The following SLC43A2 variants were observed in gnomAD, a reference collection of about 807,000 sequenced individuals.
SLC43A2 encodes solute carrier family 43 member 2.
SLC43A2 carries 38 observed loss-of-function variants against 63.2 expected under a neutral mutation model. That is an observed-to-expected ratio of 0.60 (90% CI 0.46 to 0.79). The LOEUF (loss-of-function observed/expected upper bound fraction) is 0.79. SLC43A2 is among the 30% of genes least tolerant of loss of function. SLC43A2 has a pLI of 0.00. For missense variants in SLC43A2, 644 were observed against 756.2 expected (o/e 0.85, Z 1.74); for synonymous variants, 322 against 331.0 (o/e 0.97, Z 0.30).
rs2075829995 is a variant in SLC43A2, at chr17:1,570,458, TC to T, written c.*5145del. 6.6e-6 allele frequency: 1 copy of T among 152,140 alleles called. No homozygotes were observed. The highest frequency in any genetic ancestry group is 6.6e-5 in the Admixed American group (1 of 15,222). 9.4% of individuals were successfully genotyped at this position (152,140 alleles called of 1,614,324 possible). A position where few individuals can be genotyped will look rare whatever the true frequency, so the allele number is the denominator to read the frequency against. The stretch of plus-strand genomic sequence containing the variant: ...CCTTTCCCTGTCCCAGCTGCCTTCT[TC>T]CTGGGCACTGAAAACGATGCTACCA... On this transcript the variant is annotated 3_prime_UTR_variant, in exon 14 of 14. Coordinates refer to ENST00000301335, the MANE Select transcript of SLC43A2 (RefSeq NM_152346.3).
In SLC43A2 at chr17:1,571,122, G is replaced by A. The variant is rs1417592033; in HGVS notation, c.*4482C>T. 2.6e-5 allele frequency: 4 copies of A among 152,146 alleles called. No individual in the cohort carries two copies. The highest frequency in any genetic ancestry group is 1.9e-4 in the East Asian group (1 of 5,188). The allele number at this position is 152,146 out of a possible 1,614,324, so 9.4% of individuals were successfully genotyped here. ...GCTGGCAGGAAGAGGGCTGAGCTGC[G>A]GAAGGCCACCCAGGTGGAGTGTGCT... On this transcript the variant is annotated 3_prime_UTR_variant, in exon 14 of 14. Coordinates refer to ENST00000301335, the MANE Select transcript of SLC43A2 (RefSeq NM_152346.3). This position sits in a 1 kb window ranked among gnomAD's most constrained non-coding sequence, Gnocchi z 5.2.
chr17:1,601,565 G>A (rs902536242), intron 5 of SLC43A2, among the ~76,000 whole-genome samples: 9 of 150,786 alleles, frequency 6.0e-5, no homozygotes, highest in South Asian at 2.1e-4. Flanking sequence ...GGCATGCACC[G>A]CCCTCCCAAA....
chr17:1,603,355 T>C (rs1490415652), intron 5 of SLC43A2: 1 of 152,160 alleles, frequency 6.6e-6, no homozygotes, highest in Admixed American at 6.6e-5. Flanking sequence ...GTCAGGATGT[T>C]TATGCTTTGG....
At chr17:1,615,936 G>A (rs897780514) in intron 3 of SLC43A2, among the ~76,000 whole-genome samples, 4 of 150,804 alleles carry the variant, frequency 2.7e-5, no homozygotes, top group South Asian at 2.1e-4. Flanking sequence ...CCAGCTACTC[G>A]GGAGGGTGAG....
chr17:1,585,626 G>T, intron 10 of SLC43A2: 2 of 1,281,226 alleles, frequency 1.6e-6, no homozygotes, highest in African/African-American at 3.0e-5. Flanking sequence ...GGCCTCAAGT[G>T]ATCTTCCTAC....
At chr17:1,584,191 C>T (rs946772493) in intron 10 of SLC43A2, among the ~76,000 whole-genome samples, 2 of 152,112 alleles carry the variant, frequency 1.3e-5, no homozygotes, top group Non-Finnish European at 2.9e-5. Context: ...CCGCGCCCGG[C>T]CAAGCACCCT....
At chr17:1,582,595 T>A (rs1942158931) in intron 11 of SLC43A2, among the ~76,000 whole-genome samples, 1 of 152,222 alleles carries the variant, frequency 6.6e-6, no homozygotes, top group African/African-American at 2.4e-5. Context: ...AATGGCATGA[T>A]GGTGGTATCC....
intron 2 of SLC43A2, among the ~76,000 whole-genome samples, chr17:1,623,623 CCCTCCTCTCCTCCAGG>C (rs1908361494): frequency 1.4e-5 from 2 of 145,076 alleles, no homozygotes; most frequent in Non-Finnish European, 3.0e-5. Flanking sequence ...CCAGGGTGTA[CCCTCCTCTCCTCCAGG>C]CTGTACCCTC....
chr17:1,611,508 G>A (rs763781104), intron 5 of SLC43A2, among the ~76,000 whole-genome samples: 80 of 151,944 alleles, frequency 5.3e-4, no homozygotes, highest in South Asian at 6.2e-4. Flanking sequence ...GATGGTGCAC[G>A]CCTATAGTCC....
chr17:1,588,386 C>CA (rs985832646), intron 9 of SLC43A2, among the ~76,000 whole-genome samples: 112 of 144,172 alleles, frequency 7.8e-4, no homozygotes, highest in African/African-American at 2.1e-3. Flanking sequence ...AAATCCATGT[C>CA]AAAAAAAAAA....
At chr17:1,612,769 T>G (rs1005198477) in intron 5 of SLC43A2, among the ~76,000 whole-genome samples, 3 of 152,150 alleles carry the variant, frequency 2.0e-5, no homozygotes, top group Non-Finnish European at 2.9e-5. Context: ...GTCAGGAGTT[T>G]GAGACCAGCC....
intron 4 of SLC43A2, among the ~76,000 whole-genome samples, chr17:1,614,473 A>AGGAAGCTACTTCACT (rs67345692): frequency 0.97 from 147,040 of 152,138 alleles, 71,275 homozygotes; most frequent in South Asian, 1. Context: ...AGGAGGCCTA[A>AGGAAGCTACTTCACT]GAAACCAAAA....
Position 1,583,285 on chromosome 17 carries a change from A to G in SLC43A2, c.1269T>C (p.Asn423=). 1 of 1,614,190 alleles carries G rather than the reference A, an allele frequency of 6.2e-7. No individual in the cohort carries two copies. Among genetic ancestry groups the G allele is most frequent in the Non-Finnish European group, 8.5e-7 (1 of 1,180,030 alleles). Residue 423 remains asparagine (N), a synonymous_variant, in exon 11 of 14, where the codon AAT becomes AAC. Coordinates refer to ENST00000301335, the MANE Select transcript of SLC43A2 (RefSeq NM_152346.3). The surrounding 1 kb of genome is among the most constrained non-coding windows in gnomAD (Gnocchi z 5.5). ...TGGTGAAGGCGAAGGCCCGCATGGC[A>G]TTAGTGATCTTCTGGATCTGCCGGT... ...KRDRQIQKIT[N]AMRAFAFTNL...
intron 5 of SLC43A2, among the ~76,000 whole-genome samples, chr17:1,596,118 A>G (rs1905254055): frequency 6.6e-6 from 1 of 151,956 alleles, no homozygotes; most frequent in Non-Finnish European, 1.5e-5. Flanking sequence ...CAGCAGTTCA[A>G]CACCAGCCTG....
intron 3 of SLC43A2, among the ~76,000 whole-genome samples, chr17:1,615,468 G>T (rs1407566969): frequency 6.6e-6 from 1 of 151,496 alleles, no homozygotes; most frequent in Non-Finnish European, 1.5e-5. Flanking sequence ...GGCATAGGGG[G>T]CCGGGAGCCA....
At chr17:1,610,511 C>T (rs924419438) in intron 5 of SLC43A2, among the ~76,000 whole-genome samples, 8 of 145,694 alleles carry the variant, frequency 5.5e-5, no homozygotes, top group African/African-American at 1.8e-4. Context: ...TCAAATGATC[C>T]TCCCACCTTA....
rs373905263 is a variant in SLC43A2, at chr17:1,582,370, G to A, written c.1350+834C>T. 1.5e-4 allele frequency among the ~76,000 whole-genome samples: 23 copies of A among 152,272 alleles called. No homozygotes were observed. In the East Asian group the frequency reaches 1.9e-3, roughly 13 times the overall value. On this transcript the variant is annotated intron_variant, in intron 11 of 13. Transcript: ENST00000301335. Reference sequence around the variant, plus strand: ...GTTGAGATTACAGGCATGAGCCACCGGCCTGGAATGAAGCTTTTGAATCCA... The same window carrying A: ...GTTGAGATTACAGGCATGAGCCACCAGCCTGGAATGAAGCTTTTGAATCCA...
At chr17:1,625,742 A>C (rs1244571184) in intron 2 of SLC43A2, among the ~76,000 whole-genome samples, 2 of 152,202 alleles carry the variant, frequency 1.3e-5, no homozygotes, top group Middle Eastern at 3.2e-3. Context: ...AAGAAAAACC[A>C]AAATTGGAGG....
rs78184295 is a variant in SLC43A2, at chr17:1,572,814, C to G, written c.*2790G>C. The G allele has an allele frequency of 4.0e-5, 6 of 151,540 alleles. No individual in the cohort carries two copies. Among genetic ancestry groups the G allele is most frequent in the East Asian group, 1.9e-4 (1 of 5,154 alleles). 9.4% of individuals were successfully genotyped at this position (151,540 alleles called of 1,614,324 possible). ...GGGTGGGTGGGAGAGTGAGGCAGCACTGCCCACTTTGGCTGGGACTGGGCA... is the reference window on the plus strand; with the variant it reads ...GGGTGGGTGGGAGAGTGAGGCAGCAGTGCCCACTTTGGCTGGGACTGGGCA... On this transcript the variant is annotated 3_prime_UTR_variant, in exon 14 of 14. Transcript: ENST00000301335.
Sources: gnomAD v4.1 joint callset for allele counts (sites outside exome capture counted in the v4.1 genomes callset) on GRCh38, gnomAD v4.1.1 for gene constraint, Gnocchi (gnomAD v3.1) non-coding constraint, MANE v1.5 for transcripts, NCBI Gene and HGNC (gene_info 2026-07-23, HGNC 2026-07-21) for gene names.